Variants in NDFIP2 observed in about 807,000 individuals in gnomAD.
The protein encoded by NDFIP2 is Nedd4 family interacting protein 2.
Under a neutral mutation model 36.0 loss-of-function variants are expected in NDFIP2, and 19 were observed. That is an observed-to-expected ratio of 0.53 (90% CI 0.37 to 0.77). The LOEUF (loss-of-function observed/expected upper bound fraction) is 0.77. Ranked by LOEUF, NDFIP2 falls within the 30% of genes least tolerant of loss-of-function variation. The pLI, the probability that NDFIP2 is intolerant of heterozygous loss-of-function variation, is 0.00. For missense variants in NDFIP2, 446 were observed against 435.8 expected, an observed-to-expected ratio of 1.02 and a Z score of -0.21; for synonymous variants, 181 against 167.7, an observed-to-expected ratio of 1.08 and a Z score of -0.61.
intron 2 of NDFIP2, among the ~76,000 whole-genome samples, chr13:79,522,940 A>G (rs984563663): frequency 1.3e-5 from 2 of 152,204 alleles, no homozygotes; most frequent in African/African-American, 4.8e-5. Context: ...GAGGAGTTTT[A>G]AAGAACTTGA....
In NDFIP2 at chr13:79,513,341, C is replaced by T. The variant is rs1211450440; in HGVS notation, c.322-7469C>T. 5.9e-5 allele frequency among the ~76,000 whole-genome samples: 9 copies of T among 152,114 alleles called. No individual in the cohort carries two copies. In the South Asian group the frequency reaches 1.9e-3, roughly 32 times the overall value. Reference sequence around the variant, plus strand: ...CAGCAAATATTCAAAAAGTTCCATGCCTTAATGAAATCAAGATATTATACT... The same window carrying T: ...CAGCAAATATTCAAAAAGTTCCATGTCTTAATGAAATCAAGATATTATACT... On this transcript the variant is annotated intron_variant, in intron 1 of 7. Transcript: ENST00000218652.
At chr13:79,498,996 A>G (rs1873553704) in intron 1 of NDFIP2, among the ~76,000 whole-genome samples, 2 of 152,140 alleles carry the variant, frequency 1.3e-5, no homozygotes, top group Middle Eastern at 3.4e-3. Context: ...TACAGATGTA[A>G]AAGTCCTCAA....
intron 1 of NDFIP2, among the ~76,000 whole-genome samples, chr13:79,509,688 T>TAG (rs147787220): frequency 1.3e-3 from 189 of 140,472 alleles, no homozygotes; most frequent in East Asian, 1.8e-3. Flanking sequence ...TATATATATA[T>TAG]ATAGAGAGAG....
At position 79,543,632 on chromosome 13, in the gene NDFIP2, G is replaced by T; in HGVS notation, c.790G>T (p.Ala264Ser). Residue 264 changes from alanine to serine, a missense_variant, in exon 5 of 8, where the codon GCT (alanine) becomes TCT (serine). Ala to Ser is a moderately conservative substitution (Grantham distance 99). Around this residue, in one of 2 missense-constraint regions of NDFIP2, gnomAD observed 77 missense variants for 131.0 expected, o/e 0.59. Coordinates refer to ENST00000218652, the MANE Select transcript of NDFIP2 (RefSeq NM_019080.3). ...ITNTIAGRYG[A>S]ICGFGLSLIK... ...CAATACCATAGCTGGAAGGTATGGTGCTATCTGCGGATTTGGCCTTTCCTT... is the reference window on the plus strand; with the variant it reads ...CAATACCATAGCTGGAAGGTATGGTTCTATCTGCGGATTTGGCCTTTCCTT... 6.2e-7 allele frequency: 1 copy of T among 1,613,938 alleles called. No homozygotes were observed. The highest frequency in any genetic ancestry group is 1.3e-5 in the African/African-American group (1 of 75,014).
intron 1 of NDFIP2, chr13:79,519,165 A>G (rs1055262851): frequency 1.3e-5 from 2 of 152,090 alleles, no homozygotes; most frequent in African/African-American, 4.8e-5. Flanking sequence ...ATCACATTCA[A>G]ATTGGTATGT....
At chr13:79,489,622 T>C (rs1873148712) in intron 1 of NDFIP2, among the ~76,000 whole-genome samples, 1 of 152,196 alleles carries the variant, frequency 6.6e-6, no homozygotes, top group Non-Finnish European at 1.5e-5. Context: ...CTCCATCCAC[T>C]CTTAAGTTGT....
At chr13:79,486,368 C>G (rs913654294) in intron 1 of NDFIP2, among the ~76,000 whole-genome samples, 1 of 152,142 alleles carries the variant, frequency 6.6e-6, no homozygotes, top group African/African-American at 2.4e-5. Flanking sequence ...AAATTGTGGG[C>G]TCTACAGTTA....
chr13:79,545,554 A>T (rs1281968312), intron 5 of NDFIP2, among the ~76,000 whole-genome samples: 1 of 152,234 alleles, frequency 6.6e-6, no homozygotes, highest in Admixed American at 6.5e-5. Context: ...GACTTAAAAA[A>T]ATCTTTTGTA....
In NDFIP2 at chr13:79,481,503, G is replaced by C. The variant is rs1025277242; in HGVS notation, c.300G>C (p.Pro100=). The C allele has an allele frequency of 5.1e-6, 8 of 1,554,210 alleles. No homozygotes were observed. The African/African-American group carries it at 9.6e-5, about 19-fold the overall frequency. ...CGGGCAGGATGGATCACCACCAGCC[G>C]GGGACTGGGCGCTACCAGGTGGTGA... ...PEPGRMDHHQ[P]GTGRYQVLLN... is the part of the protein sequence containing the mutation. Residue 100 remains proline, a synonymous_variant, in exon 1 of 8, where the codon CCG becomes CCC. Transcript: ENST00000218652.
At chr13:79,501,037 C>T (rs1377692018) in intron 1 of NDFIP2, among the ~76,000 whole-genome samples, 7 of 151,926 alleles carry the variant, frequency 4.6e-5, no homozygotes, top group Non-Finnish European at 1.0e-4. Context: ...AATGTAAATG[C>T]ATATTACTAA....
At chr13:79,529,491 T>C (rs936407891) in intron 2 of NDFIP2, among the ~76,000 whole-genome samples, 2 of 152,230 alleles carry the variant, frequency 1.3e-5, no homozygotes, top group African/African-American at 4.8e-5. Context: ...ACATTGTTTT[T>C]ACTTAGATTT....
chr13:79,520,021 A>C (rs955673590), intron 1 of NDFIP2, among the ~76,000 whole-genome samples: 1 of 152,142 alleles, frequency 6.6e-6, no homozygotes, highest in African/African-American at 2.4e-5. Context: ...GGCTGGTCTC[A>C]AACTCCTGGC....
intron 1 of NDFIP2, among the ~76,000 whole-genome samples, chr13:79,482,538 C>T (rs2079821318): frequency 6.6e-6 from 1 of 152,208 alleles, no homozygotes; most frequent in South Asian, 2.1e-4. Flanking sequence ...ATACATAGCA[C>T]TGGTGATGCA....
intron 4 of NDFIP2, among the ~76,000 whole-genome samples, chr13:79,542,273 TC>T (rs1484554507): frequency 6.6e-6 from 1 of 152,190 alleles, no homozygotes; most frequent in Non-Finnish European, 1.5e-5. Flanking sequence ...TAATAAGTAA[TC>T]ACCTGCATTA....
At chr13:79,548,235 A>C in intron 5 of NDFIP2, 93 bp from the exon 6 acceptor site, 1 of 965,334 alleles carries the variant, frequency 1.0e-6, no homozygotes, top group Non-Finnish European at 1.6e-6. Context: ...GTTAAAGATT[A>C]TTTGAAGTAA....
intron 3 of NDFIP2, among the ~76,000 whole-genome samples, chr13:79,535,166 T>G (rs1027087221): frequency 6.6e-6 from 1 of 152,156 alleles, no homozygotes; most frequent in East Asian, 1.9e-4. Flanking sequence ...TAAATGAACA[T>G]GCACATCTCT....
chr13:79,481,473 C>A lies in NDFIP2; in HGVS notation c.270C>A (p.Pro90=). ...GEDSLSRKPD[P]EPGRMDHHQP... ...ACTCCCTCTCTCGGAAGCCGGATCC[C>A]GAGCCGGGCAGGATGGATCACCACC... Residue 90 remains proline, a synonymous_variant, in exon 1 of 8, where the codon CCC becomes CCA. Transcript: ENST00000218652. 6.4e-7 allele frequency: 1 copy of A among 1,562,536 alleles called. No homozygotes were observed. The highest frequency in any genetic ancestry group is 2.4e-5 in the East Asian group (1 of 42,012).
intron 2 of NDFIP2, among the ~76,000 whole-genome samples, chr13:79,523,261 C>T (rs1033075869): frequency 1.3e-5 from 2 of 152,096 alleles, no homozygotes; most frequent in African/African-American, 2.4e-5. Flanking sequence ...ATTCTTGTTG[C>T]CCAGGCTGGA....
intron 4 of NDFIP2, among the ~76,000 whole-genome samples, chr13:79,540,897 C>A (rs1875428515): frequency 6.6e-6 from 1 of 152,054 alleles, no homozygotes; most frequent in Admixed American, 6.5e-5. Flanking sequence ...GTTTTAGTTA[C>A]AATTTCTAGT....
Sources: gnomAD v4.1 joint callset for allele counts (sites outside exome capture counted in the v4.1 genomes callset) on GRCh38, gnomAD v4.1.1 for gene constraint, gnomAD v4.1.1 regional missense constraint, MANE v1.5 for transcripts, NCBI Gene and HGNC (gene_info 2026-07-23, HGNC 2026-07-21) for gene names.